EIF4EBP1: variants seen among roughly 807,000 people sequenced by gnomAD.
EIF4EBP1 encodes eukaryotic translation initiation factor 4E-binding protein 1.
Under a neutral mutation model 9.2 loss-of-function variants are expected in EIF4EBP1, and 5 were observed. The ratio of observed to expected loss-of-function variants is 0.54; its 90% CI spans 0.28 to 1.14. The LOEUF is 1.14. EIF4EBP1 is among the 50% of genes most tolerant of loss of function. The pLI is 0.09. For missense variants in EIF4EBP1, 139 were observed against 169.6 expected (o/e 0.82, Z 1.00); for synonymous variants, 62 against 67.0 (o/e 0.93, Z 0.36).
At chr8:38,041,452 G>A (rs1809378258) in intron 1 of EIF4EBP1, among the ~76,000 whole-genome samples, 1 of 152,148 alleles carries the variant, frequency 6.6e-6, no homozygotes. Flanking sequence ...AACAGGAATG[G>A]GAGGAGTGGT....
At chr8:38,042,844 G>A (rs370083863) in intron 1 of EIF4EBP1, among the ~76,000 whole-genome samples, 25 of 152,098 alleles carry the variant, frequency 1.6e-4, no homozygotes, top group South Asian at 4.1e-4. Flanking sequence ...CGGGCAGATC[G>A]CTTGAGGTCA....
intron 1 of EIF4EBP1, 43 bp from the exon 2 acceptor site, chr8:38,057,038 A>G (rs1226744914): frequency 6.2e-7 from 1 of 1,604,022 alleles, no homozygotes; most frequent in South Asian, 1.1e-5. Context: ...CCGGCAGGCA[A>G]GAGGCTGCAG....
intron 1 of EIF4EBP1, among the ~76,000 whole-genome samples, chr8:38,049,479 C>CTTTT (rs370855404): frequency 2.1e-5 from 3 of 139,804 alleles, no homozygotes; most frequent in South Asian, 2.3e-4. Context: ...TTTCCGTCTT[C>CTTTT]TTTTTTTTTT....
chr8:38,057,007 CG>C (rs1269331952), intron 1 of EIF4EBP1, 73 bp from the exon 2 acceptor site: 21 of 1,510,214 alleles, frequency 1.4e-5, no homozygotes, highest in Non-Finnish European at 1.9e-5. Context: ...ACTGCAGCCA[CG>C]CCTTTAAAAA....
chr8:38,058,796 G>A (rs1404506540), intron 2 of EIF4EBP1, among the ~76,000 whole-genome samples: 1 of 152,164 alleles, frequency 6.6e-6, no homozygotes, highest in African/African-American at 2.4e-5. Context: ...AAAAACATCA[G>A]CTGGTGGCCA....
chr8:38,045,030 T>C (rs1033051303), intron 1 of EIF4EBP1, among the ~76,000 whole-genome samples: 2 of 152,210 alleles, frequency 1.3e-5, no homozygotes, highest in African/African-American at 4.8e-5. Flanking sequence ...GTTCCCGGCT[T>C]GTGACATCTT....
chr8:38,034,088 C>T (rs1286954243), intron 1 of EIF4EBP1, among the ~76,000 whole-genome samples: 1 of 152,086 alleles, frequency 6.6e-6, no homozygotes, highest in East Asian at 1.9e-4. Flanking sequence ...ATGGTGTCAC[C>T]CAGGCTGGAG....
chr8:38,038,574 C>G (rs1208530947), intron 1 of EIF4EBP1, among the ~76,000 whole-genome samples: 1 of 151,050 alleles, frequency 6.6e-6, no homozygotes, highest in Admixed American at 6.6e-5. Flanking sequence ...ATGATATCGG[C>G]TCACTGCAAC....
chr8:38,045,120 AATCTTGATGTTCTTTATTTT>A lies in EIF4EBP1; in HGVS notation c.146-11958_146-11939del, dbSNP rs1430440617. 6.3e-4 allele frequency among the ~76,000 whole-genome samples: 96 copies of A among 152,260 alleles called. 2 individuals carry two copies. In the East Asian group the frequency reaches 0.016, roughly 25 times the overall value. ...AGTGTCACTTTATTCTCACACAAAGAATCTTGATGTTCTTTATTTTATTTAATCTTCACGATACTCCTCTG... is the reference window on the plus strand; with the variant it reads ...AGTGTCACTTTATTCTCACACAAAGAATTTAATCTTCACGATACTCCTCTG... On this transcript the variant is annotated intron_variant, in intron 1 of 2. Coordinates refer to ENST00000338825, the MANE Select transcript of EIF4EBP1 (RefSeq NM_004095.4).
At chr8:38,059,845 C>A (rs1186865820) in intron 2 of EIF4EBP1, 59 bp from the exon 3 acceptor site, 2 of 1,449,904 alleles carry the variant, frequency 1.4e-6, no homozygotes, top group Non-Finnish European at 1.9e-6. Flanking sequence ...GAAAGAATGG[C>A]CTCATATACC....
chr8:38,049,873 TTA>T (rs1809495978), intron 1 of EIF4EBP1, among the ~76,000 whole-genome samples: 1 of 151,932 alleles, frequency 6.6e-6, no homozygotes, highest in Admixed American at 6.6e-5. Context: ...CCCTAATTTA[TTA>T]TCTTTTTGCC....
At chr8:38,031,160 C>G (rs573205521) in intron 1 of EIF4EBP1, among the ~76,000 whole-genome samples, 2 of 152,122 alleles carry the variant, frequency 1.3e-5, no homozygotes, top group African/African-American at 2.4e-5. Context: ...TTTTCCTTCC[C>G]GAAGCACGCC....
chr8:38,058,764 A>T (rs887111990), intron 2 of EIF4EBP1, among the ~76,000 whole-genome samples: 4 of 152,202 alleles, frequency 2.6e-5, no homozygotes, highest in Non-Finnish European at 5.9e-5. Context: ...CTTTCAAAAA[A>T]TAGGGGCTGT....
At chr8:38,035,498 A>G (rs1331623706) in intron 1 of EIF4EBP1, among the ~76,000 whole-genome samples, 3 of 151,956 alleles carry the variant, frequency 2.0e-5, no homozygotes, top group Non-Finnish European at 2.9e-5. Context: ...GATTACAGGC[A>G]TGAGCCACCA....
chr8:38,057,300 G>A (rs776277678), intron 2 of EIF4EBP1, 40 bp downstream of exon 2: 11 of 1,537,062 alleles, frequency 7.2e-6, no homozygotes, highest in Non-Finnish European at 9.6e-6. Flanking sequence ...CTTGGGAAAG[G>A]GAATGTATGA....
At chr8:38,049,292 T>C (rs1468570145) in intron 1 of EIF4EBP1, among the ~76,000 whole-genome samples, 1 of 151,994 alleles carries the variant, frequency 6.6e-6, no homozygotes, top group Non-Finnish European at 1.5e-5. Flanking sequence ...ATTTAAGACA[T>C]TTTACGCCCT....
intron 2 of EIF4EBP1, among the ~76,000 whole-genome samples, chr8:38,059,583 G>C (rs1164727880): frequency 1.3e-5 from 2 of 151,710 alleles, no homozygotes; most frequent in Non-Finnish European, 2.9e-5. Flanking sequence ...AAAACCCCGG[G>C]TCTACTAAAA....
At chr8:38,044,329 G>T (rs1259373457) in intron 1 of EIF4EBP1, among the ~76,000 whole-genome samples, 1 of 152,164 alleles carries the variant, frequency 6.6e-6, no homozygotes. Context: ...ATGGGGAAGC[G>T]CTCAAGGCAG....
At chr8:38,054,296 CA>C (rs1184307362) in intron 1 of EIF4EBP1, among the ~76,000 whole-genome samples, 1 of 152,146 alleles carries the variant, frequency 6.6e-6, no homozygotes, top group Non-Finnish European at 1.5e-5. Flanking sequence ...CCAAAAAATA[CA>C]AAAATTAGCC....
Sources: gnomAD v4.1 joint callset for allele counts (sites outside exome capture counted in the v4.1 genomes callset) on GRCh38, gnomAD v4.1.1 for gene constraint, MANE v1.5 for transcripts, NCBI Gene and HGNC (gene_info 2026-07-23, HGNC 2026-07-21) for gene names.